Variants in SNX29 observed in about 807,000 individuals in gnomAD.
The protein encoded by SNX29 is sorting nexin-29.
Under a neutral mutation model 102.1 loss-of-function variants are expected in SNX29, and 78 were observed. The observed-to-expected ratio is 0.76, with a 90% CI of 0.64 to 0.92. The LOEUF (loss-of-function observed/expected upper bound fraction) is 0.92, where lower values mean the gene tolerates loss of function less well. Ranked by LOEUF, SNX29 falls within the 40% of genes least tolerant of loss-of-function variation. The pLI is 0.00. For missense variants in SNX29, 1,280 were observed against 1,061.7 expected, an observed-to-expected ratio of 1.21 and a Z score of -2.86; for synonymous variants, 580 against 414.5, an observed-to-expected ratio of 1.40 and a Z score of -4.85.
At chr16:12,565,805 C>T (rs1426184125) in intron 20 of SNX29, among the ~76,000 whole-genome samples, 4 of 152,208 alleles carry the variant, frequency 2.6e-5, no homozygotes, top group Non-Finnish European at 4.4e-5. Flanking sequence ...TACACAGCAA[C>T]CCTCAGCTCA....
At chr16:12,152,358 G>C (rs1481388110) in intron 13 of SNX29, among the ~76,000 whole-genome samples, 1 of 152,196 alleles carries the variant, frequency 6.6e-6, no homozygotes, top group Non-Finnish European at 1.5e-5. Flanking sequence ...CCAGGTAACT[G>C]GTTTACAGAT....
chr16:12,572,078 A>T lies in SNX29; in HGVS notation c.*3449A>T. ...GGGAACCATCTTGCAAGATCTAGGAAGAGGAAGGGGAGGGATGTGGACTGG... is the reference window on the plus strand; with the variant it reads ...GGGAACCATCTTGCAAGATCTAGGATGAGGAAGGGGAGGGATGTGGACTGG... On this transcript the variant is annotated 3_prime_UTR_variant, in exon 21 of 21. Transcript: ENST00000566228. The T allele has an allele frequency of 4.7e-6, 5 of 1,063,584 alleles. No individual in the cohort carries two copies. The highest frequency in any genetic ancestry group is 5.7e-6 in the Non-Finnish European group (5 of 878,066). 65.9% of individuals were successfully genotyped at this position (1,063,584 alleles called of 1,614,324 possible).
At chr16:12,541,942 C>T (rs2077360972) in intron 20 of SNX29, among the ~76,000 whole-genome samples, 1 of 152,190 alleles carries the variant, frequency 6.6e-6, no homozygotes. Context: ...CCTGGGCCCA[C>T]ACAAGAGGAC....
At chr16:12,184,075 A>G in intron 13 of SNX29, among the ~76,000 whole-genome samples, 1 of 152,178 alleles carries the variant, frequency 6.6e-6, no homozygotes. Context: ...CTTTCTTAAT[A>G]AACTTGATTT....
In SNX29 at chr16:12,471,051, C is replaced by T. The variant is rs557503020; in HGVS notation, c.2038-6668C>T. Among the ~76,000 whole-genome samples the T allele has an allele frequency of 3.0e-4, 46 of 152,302 alleles. No individual in the cohort carries two copies. The East Asian group carries it at 8.3e-3, about 28-fold the overall frequency. On this transcript the variant is annotated intron_variant, in intron 18 of 20. Coordinates refer to ENST00000566228, the MANE Select transcript of SNX29 (RefSeq NM_032167.5). ...GCCTCCCTCCCTATGTAGCTGTGCG[C>T]CTTCACACTGCCGTTCTGCCTCTTG...
intron 15 of SNX29, among the ~76,000 whole-genome samples, chr16:12,320,546 A>G (rs866112226): frequency 5.3e-5 from 8 of 152,148 alleles, no homozygotes; most frequent in Admixed American, 2.0e-4. Flanking sequence ...CTCACTGGAG[A>G]ATACTTAAGA....
chr16:12,406,559 G>A (rs575620079), intron 18 of SNX29, among the ~76,000 whole-genome samples: 1 of 152,294 alleles, frequency 6.6e-6, no homozygotes, highest in Non-Finnish European at 1.5e-5. Context: ...CTGGAGCTGC[G>A]CTGTCTGTAC....
At chr16:12,531,050 G>T (rs533434330) in intron 20 of SNX29, among the ~76,000 whole-genome samples, 2 of 152,240 alleles carry the variant, frequency 1.3e-5, no homozygotes, top group Middle Eastern at 3.2e-3. Context: ...CAGGCTTGAT[G>T]TGTAGAAGCC....
Position 12,365,967 on chromosome 16 carries a change from G to A in SNX29, c.1899+9688G>A, listed in dbSNP as rs565536496. Among the ~76,000 whole-genome samples the A allele has an allele frequency of 6.7e-5, 10 of 149,468 alleles. No homozygotes were observed. The East Asian group carries it at 1.4e-3, about 21-fold the overall frequency. On this transcript the variant is annotated intron_variant, in intron 16 of 20. Coordinates refer to ENST00000566228, the MANE Select transcript of SNX29 (RefSeq NM_032167.5). Reference sequence around the variant, plus strand: ...TGAGGCAGGACAATGGCATGAACCCGGGAGGTGGAGGTTGCAGTGAGCAGA... The same window carrying A: ...TGAGGCAGGACAATGGCATGAACCCAGGAGGTGGAGGTTGCAGTGAGCAGA...
intron 16 of SNX29, among the ~76,000 whole-genome samples, chr16:12,371,592 A>G (rs914593486): frequency 3.9e-5 from 6 of 152,206 alleles, no homozygotes; most frequent in African/African-American, 1.2e-4. Flanking sequence ...GGCGTGAGCC[A>G]CTGCACCCAG....
At chr16:12,371,421 C>G (rs11649383) in intron 16 of SNX29, among the ~76,000 whole-genome samples, 105,605 of 151,468 alleles carry the variant, frequency 0.7, 38,212 homozygotes, top group Non-Finnish European at 0.81. Flanking sequence ...CTTCAGGCTC[C>G]GGAGAAGCTG....
At chr16:12,259,860 C>T (rs1461495589) in intron 14 of SNX29, among the ~76,000 whole-genome samples, 1 of 152,098 alleles carries the variant, frequency 6.6e-6, no homozygotes, top group Non-Finnish European at 1.5e-5. Flanking sequence ...CCTTTGAGCC[C>T]TGCTGATATA....
At chr16:12,520,025 A>AT (rs2090036571) in intron 19 of SNX29, among the ~76,000 whole-genome samples, 3 of 152,084 alleles carry the variant, frequency 2.0e-5, no homozygotes, top group African/African-American at 7.2e-5. Context: ...AATAATAATA[A>AT]AAAAGTAAGA....
chr16:12,001,069 A>T (rs1471277501), intron 2 of SNX29, among the ~76,000 whole-genome samples: 2 of 152,190 alleles, frequency 1.3e-5, no homozygotes, highest in African/African-American at 4.8e-5. Context: ...AACTACTTTA[A>T]AGGTAGCAGT....
At chr16:12,104,735 A>C (rs903206391) in intron 11 of SNX29, among the ~76,000 whole-genome samples, 11 of 152,198 alleles carry the variant, frequency 7.2e-5, no homozygotes, top group Non-Finnish European at 1.6e-4. Flanking sequence ...TGTACCTGTC[A>C]CTGTGAATAC....
chr16:12,038,908 C>G (rs1184013601), intron 4 of SNX29: 1 of 152,200 alleles, frequency 6.6e-6, no homozygotes, highest in Non-Finnish European at 1.5e-5. Context: ...GTCCTGGTTT[C>G]TTGAGTGAGG....
intron 14 of SNX29, among the ~76,000 whole-genome samples, chr16:12,261,101 G>C (rs1447249486): frequency 6.9e-6 from 1 of 145,656 alleles, no homozygotes. Context: ...GCTGAGGTGG[G>C]ATCTGTGCAT....
chr16:12,050,114 G>A (rs2050243186), intron 7 of SNX29, among the ~76,000 whole-genome samples: 1 of 152,234 alleles, frequency 6.6e-6, no homozygotes. Context: ...AGATAGGGCT[G>A]TTGACAGCTT....
At chr16:12,348,245 T>A (rs1703992400) in intron 15 of SNX29, among the ~76,000 whole-genome samples, 1 of 152,214 alleles carries the variant, frequency 6.6e-6, no homozygotes, top group Non-Finnish European at 1.5e-5. Context: ...TCCTGGAATG[T>A]CTTCATGCTG....
Sources: allele counts gnomAD v4.1 joint callset (sites outside exome capture counted in the v4.1 genomes callset), GRCh38; gene constraint gnomAD v4.1.1; transcripts MANE v1.5; gene names NCBI Gene and HGNC (gene_info 2026-07-23, HGNC 2026-07-21).